TXNDC11: variants seen among roughly 807,000 people sequenced by gnomAD.
TXNDC11 encodes thioredoxin domain-containing protein 11.
Under a neutral mutation model 78.0 loss-of-function variants are expected in TXNDC11, and 68 were observed. The observed-to-expected ratio is 0.87, with a 90% confidence interval of 0.72 to 1.07. The LOEUF is 1.07. TXNDC11 is among the 50% of genes least tolerant of loss of function. The pLI is 0.00. For missense variants in TXNDC11, 1,389 were observed against 1,221.8 expected (o/e 1.14, Z -2.04); for synonymous variants, 571 against 495.2 (o/e 1.15, Z -2.03).
At chr16:11,712,789 CA>C (rs925846605) in intron 5 of TXNDC11, among the ~76,000 whole-genome samples, 2 of 151,314 alleles carry the variant, frequency 1.3e-5, no homozygotes, top group African/African-American at 2.4e-5. Context: ...TACATCTCTA[CA>C]AAAAAAATAG....
rs1190824523 is a variant in TXNDC11 at position 11,700,538 on chromosome 16, C to T, written c.820G>A (p.Val274Ile). The T allele has an allele frequency of 6.2e-7, 1 of 1,603,530 alleles. No individual in the cohort carries two copies. The highest frequency in any genetic ancestry group is 1.7e-5 in the Admixed American group (1 of 59,934). The change falls in exon 6 of 12, where the codon GTT becomes ATT. Residue 274 changes from valine (V) to isoleucine (I), a missense_variant. Transcript: ENST00000283033. Reference sequence around the variant, plus strand: ...TTCGCAAGATGTTTATTTGTGATAACCCCAAATCGTACTGTTCCTAGGTAA... The same window carrying T: ...TTCGCAAGATGTTTATTTGTGATAATCCCAAATCGTACTGTTCCTAGGTAA... ...KDYLGTVRFG[V>I]ITNKHLAKLV...
At position 11,706,695 on chromosome 16, in the gene TXNDC11, G is replaced by A. The variant is rs894236842; in HGVS notation, c.794-6131C>T. On this transcript the variant is annotated intron_variant, in intron 5 of 11. Transcript: ENST00000283033. Reference sequence around the variant, plus strand: ...TTTGGCTGCCCTTCTTGTGCCTCCCGTGCACCGCTGTCACCATTCACCTCA... The same window carrying A: ...TTTGGCTGCCCTTCTTGTGCCTCCCATGCACCGCTGTCACCATTCACCTCA... Among the ~76,000 whole-genome samples, 8 of 152,182 alleles carry A rather than the reference G, an allele frequency of 5.3e-5. No individual in the cohort carries two copies. The East Asian group carries it at 9.6e-4, about 18-fold the overall frequency.
intron 10 of TXNDC11, among the ~76,000 whole-genome samples, chr16:11,687,445 T>C (rs1379268156): frequency 6.6e-6 from 1 of 152,186 alleles, no homozygotes; most frequent in East Asian, 1.9e-4. Context: ...AGAATGTGGA[T>C]ATCTATTGGT....
At chr16:11,702,114 G>A (rs2051048299) in intron 5 of TXNDC11, among the ~76,000 whole-genome samples, 6 of 139,724 alleles carry the variant, frequency 4.3e-5, no homozygotes, top group African/African-American at 1.4e-4. Flanking sequence ...ATATATATAT[G>A]TTTTTTCCCC....
intron 3 of TXNDC11, among the ~76,000 whole-genome samples, chr16:11,732,595 T>C (rs773061464): frequency 2.6e-5 from 4 of 152,214 alleles, no homozygotes; most frequent in African/African-American, 9.7e-5. Context: ...AAAATGGTCT[T>C]AGTGGTCCCT....
intron 5 of TXNDC11, chr16:11,703,655 T>A (rs187854521): frequency 8.5e-6 from 6 of 702,380 alleles, no homozygotes; most frequent in South Asian, 7.4e-5. Flanking sequence ...GACATCCTAA[T>A]ACCAAAGAGC....
chr16:11,696,526 A>G (rs2050863711), intron 7 of TXNDC11, among the ~76,000 whole-genome samples: 1 of 152,152 alleles, frequency 6.6e-6, no homozygotes, highest in Non-Finnish European at 1.5e-5. Flanking sequence ...CTCAGTAAAC[A>G]TTTGCCAAAC....
intron 2 of TXNDC11, among the ~76,000 whole-genome samples, chr16:11,735,085 T>C (rs987448990): frequency 6.6e-6 from 1 of 152,234 alleles, no homozygotes; most frequent in Non-Finnish European, 1.5e-5. Context: ...ATCTAAAGCA[T>C]GCTTTTTGTG....
intron 5 of TXNDC11, among the ~76,000 whole-genome samples, chr16:11,705,290 A>G (rs1477719664): frequency 6.6e-6 from 1 of 152,234 alleles, no homozygotes; most frequent in East Asian, 1.9e-4. Flanking sequence ...ACAGGCAATT[A>G]TGGAACTCTC....
chr16:11,683,537 C>T (rs927362671), intron 11 of TXNDC11, among the ~76,000 whole-genome samples: 4 of 151,514 alleles, frequency 2.6e-5, no homozygotes, highest in African/African-American at 9.7e-5. Context: ...TTGCCCCACA[C>T]AAACATTGCA....
chr16:11,683,206 C>T (rs896076845), intron 11 of TXNDC11, among the ~76,000 whole-genome samples: 1 of 152,230 alleles, frequency 6.6e-6, no homozygotes, highest in African/African-American at 2.4e-5. Flanking sequence ...CGTTTACTAA[C>T]TGGAAGTCCG....
intron 11 of TXNDC11, among the ~76,000 whole-genome samples, chr16:11,680,857 A>G (rs2050405597): frequency 6.6e-6 from 1 of 152,136 alleles, no homozygotes; most frequent in Non-Finnish European, 1.5e-5. Flanking sequence ...AGCTTTCTTC[A>G]AGTGGGGCCC....
Position 11,679,132 on chromosome 16 carries a change from T to C in TXNDC11, c.*63A>G. On this transcript the variant is annotated 3_prime_UTR_variant, in exon 12 of 12. Coordinates refer to ENST00000283033, the MANE Select transcript of TXNDC11 (RefSeq NM_015914.7). The surrounding 1 kb of genome is among the most constrained non-coding windows in gnomAD (Gnocchi z 4.6). ...TTATTTACAATAAATTTCAATAAAA[T>C]TTGCATAAATATATTCCCAATGTAC... The C allele has an allele frequency of 6.6e-7, 1 of 1,512,748 alleles. No homozygotes were observed. The highest frequency in any genetic ancestry group is 2.1e-5 in the Admixed American group (1 of 47,744). The allele number at this position is 1,512,748 out of a possible 1,614,324, so 93.7% of individuals were successfully genotyped here. A position where few individuals can be genotyped will look rare whatever the true frequency, so the allele number is the denominator to read the frequency against.
intron 5 of TXNDC11, among the ~76,000 whole-genome samples, chr16:11,713,855 A>G (rs2051441768): frequency 6.6e-6 from 1 of 152,142 alleles, no homozygotes; most frequent in African/African-American, 2.4e-5. Context: ...CCCAAGAAAA[A>G]AAAACGATCC....
chr16:11,705,235 C>A (rs1268186141), intron 5 of TXNDC11, among the ~76,000 whole-genome samples: 1 of 152,146 alleles, frequency 6.6e-6, no homozygotes, highest in Non-Finnish European at 1.5e-5. Context: ...AACCACCTAA[C>A]AATTGGTTAT....
chr16:11,692,670 T>C (rs2050754049), intron 7 of TXNDC11, among the ~76,000 whole-genome samples: 1 of 152,186 alleles, frequency 6.6e-6, no homozygotes, highest in Non-Finnish European at 1.5e-5. Flanking sequence ...TTGGGGGTCT[T>C]GGAACGTATC....
intron 7 of TXNDC11, among the ~76,000 whole-genome samples, chr16:11,693,540 T>G (rs1377323018): frequency 3.3e-5 from 5 of 151,572 alleles, no homozygotes; most frequent in African/African-American, 7.3e-5. Context: ...ACAAGTTTTA[T>G]AAAAATAAAA....
intron 5 of TXNDC11, among the ~76,000 whole-genome samples, chr16:11,714,627 A>G (rs2051473257): frequency 6.6e-6 from 1 of 151,468 alleles, no homozygotes; most frequent in Non-Finnish European, 1.5e-5. Context: ...GCGACAAAGC[A>G]AGACTCCGTC....
intron 3 of TXNDC11, among the ~76,000 whole-genome samples, chr16:11,733,678 A>G (rs2052126207): frequency 1.3e-5 from 2 of 152,256 alleles, no homozygotes; most frequent in Admixed American, 6.5e-5. Context: ...CTCTTACGAT[A>G]TCTGAAATGC....
Sources: allele counts gnomAD v4.1 joint callset (sites outside exome capture counted in the v4.1 genomes callset), GRCh38; gene constraint gnomAD v4.1.1; non-coding constraint Gnocchi (gnomAD v3.1); transcripts MANE v1.5; gene names NCBI Gene and HGNC (gene_info 2026-07-23, HGNC 2026-07-21).